ANGPT1: variants seen among roughly 807,000 people sequenced by gnomAD.
The protein encoded by ANGPT1 is angiopoietin-1.
Under a neutral mutation model 62.2 loss-of-function variants are expected in ANGPT1, and 17 were observed. The observed-to-expected ratio is 0.27, with a 90% CI of 0.19 to 0.41. The LOEUF is 0.41. ANGPT1 is among the 10% of genes least tolerant of loss of function. ANGPT1 has a pLI of 1.00. For synonymous variants in ANGPT1, 199 were observed against 198.9 expected, an observed-to-expected ratio of 1.00 and a Z score of 0.00; for missense variants, 478 against 594.9, an observed-to-expected ratio of 0.80 and a Z score of 2.04.
intron 1 of ANGPT1, among the ~76,000 whole-genome samples, chr8:107,493,257 A>C (rs536176455): frequency 6.6e-6 from 1 of 150,544 alleles, no homozygotes; most frequent in African/African-American, 2.4e-5. Flanking sequence ...GAAACAAACA[A>C]TTAAAACAAC....
At chr8:107,419,438 C>A (rs190423918) in intron 1 of ANGPT1, among the ~76,000 whole-genome samples, 8 of 152,238 alleles carry the variant, frequency 5.3e-5, no homozygotes, top group Non-Finnish European at 8.8e-5. Context: ...TAGGTCCCCC[C>A]AGTTTGTTAC....
intron 1 of ANGPT1, among the ~76,000 whole-genome samples, chr8:107,375,885 C>G (rs1390298360): frequency 6.6e-6 from 1 of 152,108 alleles, no homozygotes; most frequent in Admixed American, 6.5e-5. Flanking sequence ...GCAGCTTGCC[C>G]CTGTCTTCCA....
At chr8:107,370,407 A>AGAAAG in intron 1 of ANGPT1, among the ~76,000 whole-genome samples, 1 of 71,928 alleles carries the variant, frequency 1.4e-5, no homozygotes, top group Non-Finnish European at 3.0e-5. Context: ...AAAGAAAGAA[A>AGAAAG]GAGTCAGGGT....
intron 1 of ANGPT1, among the ~76,000 whole-genome samples, chr8:107,372,805 TTG>T (rs1449842800): frequency 6.6e-6 from 1 of 151,524 alleles, no homozygotes; most frequent in East Asian, 2.0e-4. Flanking sequence ...CTCTGGATTT[TTG>T]TGTTATATAC....
intron 4 of ANGPT1, among the ~76,000 whole-genome samples, chr8:107,312,115 A>C (rs145143456): frequency 7.2e-5 from 11 of 152,218 alleles, no homozygotes; most frequent in Non-Finnish European, 1.5e-4. Context: ...AAAAGGTACA[A>C]CTGGAAATAC....
intron 1 of ANGPT1, among the ~76,000 whole-genome samples, chr8:107,492,065 T>C (rs1010254344): frequency 6.6e-6 from 1 of 152,178 alleles, no homozygotes; most frequent in Non-Finnish European, 1.5e-5. Context: ...TTTGGATCTT[T>C]TGATTCTAAA....
At chr8:107,476,744 C>T (rs1425970913) in intron 1 of ANGPT1, among the ~76,000 whole-genome samples, 2 of 152,080 alleles carry the variant, frequency 1.3e-5, no homozygotes, top group Non-Finnish European at 2.9e-5. Flanking sequence ...GACACAAATG[C>T]AGAAATATTT....
Position 107,340,784 on chromosome 8 carries a change from G to A in ANGPT1, c.454-4513C>T, listed in dbSNP as rs115876942. ...GCTGGGATAACAGGTGTGAGCCAGC[G>A]TGCCTGGCCAAAAATCTCTTTCAAC... On this transcript the variant is annotated intron_variant, in intron 2 of 8. Coordinates refer to ENST00000517746, the MANE Select transcript of ANGPT1 (RefSeq NM_001146.5). Among the ~76,000 whole-genome samples the A allele has an allele frequency of 6.7e-3, 1,011 of 151,900 alleles. 13 individuals carry two copies. Among genetic ancestry groups the A allele is most frequent in the African/African-American group, 0.023 (971 of 41,440 alleles).
At chr8:107,253,796 T>A (rs189824214) in intron 8 of ANGPT1, among the ~76,000 whole-genome samples, 2 of 152,280 alleles carry the variant, frequency 1.3e-5, no homozygotes, top group East Asian at 3.9e-4. Flanking sequence ...TGGGAAACTT[T>A]GGGAAAACTT....
intron 2 of ANGPT1, among the ~76,000 whole-genome samples, chr8:107,343,619 G>A (rs981219027): frequency 6.6e-6 from 1 of 152,218 alleles, no homozygotes; most frequent in Non-Finnish European, 1.5e-5. Context: ...TTAAGGCCAT[G>A]AGGAAGGGCT....
chr8:107,311,200 A>G (rs182999346), intron 4 of ANGPT1, among the ~76,000 whole-genome samples: 26 of 152,100 alleles, frequency 1.7e-4, no homozygotes, highest in Admixed American at 1.2e-3. Context: ...AAAATTTTAA[A>G]AAGTAGGCAA....
At chr8:107,327,411 T>C (rs1374326366) in intron 3 of ANGPT1, among the ~76,000 whole-genome samples, 1 of 152,078 alleles carries the variant, frequency 6.6e-6, no homozygotes, top group African/African-American at 2.4e-5. Context: ...AGTAGTCAGA[T>C]TTTCCCTGAT....
At chr8:107,331,424 C>T (rs1431756768) in intron 3 of ANGPT1, among the ~76,000 whole-genome samples, 1 of 151,968 alleles carries the variant, frequency 6.6e-6, no homozygotes, top group East Asian at 1.9e-4. Context: ...ACTGGTCTAC[C>T]CCTTTCTTCA....
chr8:107,398,651 G>A (rs997160441), intron 1 of ANGPT1, among the ~76,000 whole-genome samples: 7 of 152,026 alleles, frequency 4.6e-5, no homozygotes, highest in African/African-American at 1.4e-4. Context: ...TCTGGACAGA[G>A]TGGTACCTAG....
intron 7 of ANGPT1, among the ~76,000 whole-genome samples, chr8:107,267,253 T>G (rs1162084370): frequency 6.6e-6 from 1 of 152,144 alleles, no homozygotes. Context: ...TACAAATTTG[T>G]GACCACTTTT....
At position 107,397,664 on chromosome 8, in the gene ANGPT1, CA is replaced by C. The variant is rs1586288679; in HGVS notation, c.298-50568del. Among the ~76,000 whole-genome samples the C allele has an allele frequency of 6.6e-5, 10 of 152,174 alleles. No homozygotes were observed. In the South Asian group the frequency reaches 1.5e-3, roughly 22 times the overall value. ...GACTGGGGAGACCGGGGAAGGTGGT[CA>C]AAAGAACCATTTGGGTCTCAGAACC... On this transcript the variant is annotated intron_variant, in intron 1 of 8. Transcript: ENST00000517746.
At chr8:107,285,600 T>C (rs1814119901) in intron 6 of ANGPT1, among the ~76,000 whole-genome samples, 2 of 152,162 alleles carry the variant, frequency 1.3e-5, no homozygotes. Flanking sequence ...GACTTTATTG[T>C]TCTCTTTGGG....
At chr8:107,256,077 G>A (rs140269644) in intron 8 of ANGPT1, among the ~76,000 whole-genome samples, 317 of 152,276 alleles carry the variant, frequency 2.1e-3, no homozygotes, top group African/African-American at 7.5e-3. Context: ...AAATCAAGGA[G>A]TTTGAAATGT....
intron 1 of ANGPT1, among the ~76,000 whole-genome samples, chr8:107,485,946 T>A (rs1812801969): frequency 6.6e-6 from 1 of 152,142 alleles, no homozygotes; most frequent in South Asian, 2.1e-4. Context: ...TTCTAAGGAG[T>A]TACACAGTAG....
Sources: allele counts gnomAD v4.1 joint callset (sites outside exome capture counted in the v4.1 genomes callset), GRCh38; gene constraint gnomAD v4.1.1; transcripts MANE v1.5; gene names NCBI Gene and HGNC (gene_info 2026-07-23, HGNC 2026-07-21).